The following NCOR1 variants were observed in gnomAD, a reference collection of about 807,000 sequenced individuals.
NCOR1 encodes protein phosphatase 1, regulatory subunit 109.
In NCOR1, 63 loss-of-function variants were observed where a neutral mutation model predicts 288.1. The observed-to-expected ratio is 0.22, with a 90% CI of 0.18 to 0.27. The LOEUF is 0.27. Ranked by LOEUF, NCOR1 falls within the 10% of genes least tolerant of loss-of-function variation. NCOR1 has a pLI of 1.00. For missense variants in NCOR1, 2,397 were observed against 3,019.2 expected, an observed-to-expected ratio of 0.79 and a Z score of 4.83; for synonymous variants, 1,007 against 1,065.9, an observed-to-expected ratio of 0.94 and a Z score of 1.08.
Position 16,057,769 on chromosome 17 carries a change from T to A in NCOR1, c.6169-32A>T, listed in dbSNP as rs779907576. ...ATGAGAAATGAAGGAAGTGGTAAAA[T>A]TCATTGAGTACTTGCAAAAAAAAAA... On this transcript the variant is annotated intron_variant, in intron 39 of 45. Transcript: ENST00000268712. The A allele has an allele frequency of 2.5e-6, 4 of 1,597,094 alleles. No individual in the cohort carries two copies. The South Asian group carries it at 4.5e-5, about 18-fold the overall frequency.
intron 23 of NCOR1, 78 bp downstream of exon 23, chr17:16,086,204 A>G (rs1304720060): frequency 1.4e-6 from 2 of 1,401,478 alleles, no homozygotes; most frequent in African/African-American, 2.9e-5. Flanking sequence ...ACTCTGACAA[A>G]TCAGTGCGAG....
In NCOR1 at chr17:16,056,336, G is replaced by A. The variant is rs541307884; in HGVS notation, c.6392+1178C>T. Among the ~76,000 whole-genome samples the A allele has an allele frequency of 5.3e-5, 6 of 112,898 alleles. No individual in the cohort carries two copies. In the South Asian group the frequency reaches 8.5e-4, roughly 16 times the overall value. 74.1% of individuals were successfully genotyped at this position (112,898 alleles called of 152,430 possible). The stretch of plus-strand genomic sequence containing the variant: ...TTTTTTTTTTTTTTTTTTTTGAGAC[G>A]GAGTCTCGCTCTGTCGCCCAGGCTG... On this transcript the variant is annotated intron_variant, in intron 40 of 45. Transcript: ENST00000268712.
rs184310130 is a variant in NCOR1, at chr17:16,147,174, G to C, written c.910-626C>G. ...ACTTGTAATCCCAGCACTTTGGGAG[G>C]CCAAGGCAGGTGGATCACAAGGTCA... On this transcript the variant is annotated intron_variant, in intron 9 of 45. Transcript: ENST00000268712. Among the ~76,000 whole-genome samples the C allele has an allele frequency of 9.9e-3, 1,501 of 152,328 alleles. 16 individuals carry two copies. The highest frequency in any genetic ancestry group is 0.04 in the South Asian group (193 of 4,820).
intron 42 of NCOR1, among the ~76,000 whole-genome samples, chr17:16,044,168 CAAAAAAAA>C (rs34691717): frequency 3.6e-5 from 3 of 82,794 alleles, no homozygotes; most frequent in South Asian, 5.1e-4. Context: ...GACTCCATCT[CAAAAAAAA>C]AAAAAAAAAA....
intron 14 of NCOR1, among the ~76,000 whole-genome samples, chr17:16,134,261 G>C (rs1330701449): frequency 1.3e-5 from 2 of 152,160 alleles, no homozygotes; most frequent in Non-Finnish European, 2.9e-5. Context: ...AAATCTGGTG[G>C]CATGAGATGA....
rs75085591 is a variant in NCOR1, at chr17:16,192,617, T to C, written c.108+1845A>G. ...GATGCAGTGAGCTCAGATGGCACCA[T>C]AGCACTCCAGCCTGGGTGACAGAGC... On this transcript the variant is annotated intron_variant, in intron 2 of 45. Coordinates refer to ENST00000268712, the MANE Select transcript of NCOR1 (RefSeq NM_006311.4). 2.8e-3 allele frequency among the ~76,000 whole-genome samples: 431 copies of C among 151,968 alleles called. 2 individuals carry two copies. Among genetic ancestry groups the C allele is most frequent in the African/African-American group, 9.6e-3 (400 of 41,460 alleles).
At chr17:16,141,632 C>G (rs1342146755) in intron 11 of NCOR1, among the ~76,000 whole-genome samples, 5 of 152,092 alleles carry the variant, frequency 3.3e-5, no homozygotes, top group Non-Finnish European at 7.4e-5. Flanking sequence ...CAAAGACAAA[C>G]TCTGTACAAA....
At chr17:16,057,140 A>G (rs921831005) in intron 40 of NCOR1, 1 of 203,328 alleles carries the variant, frequency 4.9e-6, no homozygotes, top group African/African-American at 2.4e-5. Flanking sequence ...GGCCAATATC[A>G]CCTTCTTAAA....
chr17:16,199,617 A>G (rs2090486210), intron 1 of NCOR1, among the ~76,000 whole-genome samples: 2 of 152,172 alleles, frequency 1.3e-5, no homozygotes, highest in Admixed American at 1.3e-4. Context: ...CCACTGAAAT[A>G]AAAGAATCTA....
At chr17:16,074,473 T>C (rs1435000376) in intron 27 of NCOR1, among the ~76,000 whole-genome samples, 1 of 152,228 alleles carries the variant, frequency 6.6e-6, no homozygotes, top group Non-Finnish European at 1.5e-5. Context: ...TGTAGACTTC[T>C]GATATGGACA....
intron 1 of NCOR1, among the ~76,000 whole-genome samples, chr17:16,213,224 G>A (rs978738447): frequency 1.3e-5 from 2 of 152,048 alleles, no homozygotes; most frequent in East Asian, 3.8e-4. Flanking sequence ...CAGGCACGGT[G>A]GCTCACGCCT....
intron 17 of NCOR1, 32 bp from the exon 18 acceptor site, chr17:16,118,059 GAACA>G (rs753666737): frequency 6.3e-7 from 1 of 1,598,310 alleles, no homozygotes; most frequent in Non-Finnish European, 8.5e-7. Flanking sequence ...AATGTTAATT[GAACA>G]GTCACCTGAT....
chr17:16,099,963 T>C (rs1186802848), intron 20 of NCOR1, among the ~76,000 whole-genome samples: 2 of 152,156 alleles, frequency 1.3e-5, no homozygotes, highest in African/African-American at 2.4e-5. Flanking sequence ...ACATAAGATA[T>C]AAAATATATT....
intron 42 of NCOR1, among the ~76,000 whole-genome samples, chr17:16,044,121 A>G (rs1297288054): frequency 6.9e-6 from 1 of 145,834 alleles, no homozygotes; most frequent in East Asian, 2.0e-4. Context: ...GTGAGCCGAG[A>G]TCGTGCCACT....
rs116742054 is a variant in NCOR1, at chr17:16,175,002, C to G, written c.243-3007G>C. On this transcript the variant is annotated intron_variant, in intron 3 of 45. Coordinates refer to ENST00000268712, the MANE Select transcript of NCOR1 (RefSeq NM_006311.4). ...AAGTAAAAATGATCCAAACACCCAT[C>G]AGCTGATAAAAATAGATAAATAAAC... is the stretch of plus-strand genomic sequence containing the variant. 4.1e-3 allele frequency among the ~76,000 whole-genome samples: 627 copies of G among 151,624 alleles called. 7 individuals are homozygous for G. Among genetic ancestry groups the G allele is most frequent in the African/African-American group, 0.015 (605 of 41,282 alleles).
intron 23 of NCOR1, 115 bp from the exon 24 acceptor site, chr17:16,080,842 C>T: frequency 1.0e-6 from 1 of 953,812 alleles, no homozygotes; most frequent in South Asian, 2.0e-5. Flanking sequence ...AAATTATACC[C>T]CTTCTACCCA....
At chr17:16,140,704 C>T (rs1599294694) in intron 11 of NCOR1, among the ~76,000 whole-genome samples, 2 of 152,124 alleles carry the variant, frequency 1.3e-5, no homozygotes, top group African/African-American at 4.8e-5. Context: ...GTCCCTGCTA[C>T]TCGGGAGGCT....
chr17:16,199,172 T>C lies in NCOR1; in HGVS notation c.-70-4533A>G, dbSNP rs551454645. Among the ~76,000 whole-genome samples, 3 of 145,942 alleles carry C rather than the reference T, an allele frequency of 2.1e-5. No homozygotes were observed. The East Asian group carries it at 5.9e-4, about 29-fold the overall frequency. ...TCTCAAAAAAAAAAAAAGTCAGTTT[T>C]CTTTAAAAGTACTATCCGCCCAATA... On this transcript the variant is annotated intron_variant, in intron 1 of 45. Transcript: ENST00000268712.
chr17:16,076,901 A>T (rs567181030), intron 26 of NCOR1, among the ~76,000 whole-genome samples: 1 of 152,300 alleles, frequency 6.6e-6, no homozygotes, highest in Admixed American at 6.5e-5. Flanking sequence ...GAAAACTGCA[A>T]TGCCTGCAGC....
Sources: allele counts gnomAD v4.1 joint callset (sites outside exome capture counted in the v4.1 genomes callset), GRCh38; gene constraint gnomAD v4.1.1; transcripts MANE v1.5; gene names NCBI Gene and HGNC (gene_info 2026-07-23, HGNC 2026-07-21).